The following ADGRB3 variants were observed in gnomAD, a reference collection of about 807,000 sequenced individuals.
The protein encoded by ADGRB3 is adhesion G protein-coupled receptor B3.
ADGRB3 carries 37 observed loss-of-function variants against 193.4 expected under a neutral mutation model. The ratio of observed to expected loss-of-function variants is 0.19; its 90% CI spans 0.15 to 0.25. The LOEUF (loss-of-function observed/expected upper bound fraction) is 0.25, where lower values mean the gene tolerates loss of function less well. Ranked by LOEUF, ADGRB3 falls within the 10% of genes least tolerant of loss-of-function variation. The probability of loss-of-function intolerance (pLI) is 1.00; values close to 1 mark genes in which losing one functional copy is unlikely to be tolerated. For missense variants in ADGRB3, 1,637 were observed against 1,852.9 expected (o/e 0.88, Z 2.14); for synonymous variants, 690 against 644.2 (o/e 1.07, Z -1.08).
chr6:69,086,062 TA>T, intron 17 of ADGRB3, among the ~76,000 whole-genome samples: 1 of 152,116 alleles, frequency 6.6e-6, no homozygotes, highest in African/African-American at 2.4e-5. Flanking sequence ...TTGAGGGTTG[TA>T]AATCAAGCAA....
intron 29 of ADGRB3, among the ~76,000 whole-genome samples, chr6:69,367,046 G>A (rs1191365989): frequency 2.0e-5 from 3 of 152,130 alleles, no homozygotes; most frequent in African/African-American, 7.2e-5. Flanking sequence ...CTCTAGATAA[G>A]GTGGTCTGGG....
At chr6:68,912,866 C>T (rs986459869) in intron 3 of ADGRB3, among the ~76,000 whole-genome samples, 27 of 152,134 alleles carry the variant, frequency 1.8e-4, no homozygotes, top group Admixed American at 7.2e-4. Flanking sequence ...CCTAATACTG[C>T]GCTTTTCCGA....
At chr6:69,247,941 G>A (rs1175549479) in intron 20 of ADGRB3, among the ~76,000 whole-genome samples, 1 of 152,202 alleles carries the variant, frequency 6.6e-6, no homozygotes, top group East Asian at 1.9e-4. Context: ...ATATAAGGGA[G>A]TTGAAGAAAA....
chr6:69,184,943 C>G (rs1017633192), intron 17 of ADGRB3, among the ~76,000 whole-genome samples: 1 of 152,086 alleles, frequency 6.6e-6, no homozygotes, highest in African/African-American at 2.4e-5. Flanking sequence ...GGGAAATTCT[C>G]TCTATGACAG....
At chr6:68,662,748 T>C (rs1256397831) in intron 3 of ADGRB3, among the ~76,000 whole-genome samples, 1 of 151,388 alleles carries the variant, frequency 6.6e-6, no homozygotes, top group Admixed American at 6.6e-5. Flanking sequence ...AAATCAGTTA[T>C]GCATATATGT....
chr6:69,291,432 C>A (rs537707325), intron 20 of ADGRB3, among the ~76,000 whole-genome samples: 3 of 152,134 alleles, frequency 2.0e-5, no homozygotes, highest in South Asian at 2.1e-4. Flanking sequence ...GTATAACAAC[C>A]ATTAATAAGC....
chr6:69,323,909 G>A (rs1003458415), intron 20 of ADGRB3, among the ~76,000 whole-genome samples: 7 of 151,840 alleles, frequency 4.6e-5, no homozygotes, highest in Non-Finnish European at 1.0e-4. Flanking sequence ...TCTTTGTATT[G>A]GTTTTTTTTA....
At chr6:68,948,691 C>A (rs1445591467) in intron 6 of ADGRB3, among the ~76,000 whole-genome samples, 1 of 151,920 alleles carries the variant, frequency 6.6e-6, no homozygotes, top group Non-Finnish European at 1.5e-5. Flanking sequence ...CTGTTTTCAG[C>A]GTGGACACTT....
Position 69,361,332 on chromosome 6 carries a change from C to T in ADGRB3, c.4059C>T (p.Pro1353=). The T allele has an allele frequency of 1.9e-6, 3 of 1,612,928 alleles. No individual in the cohort carries two copies. The highest frequency in any genetic ancestry group is 2.5e-6 in the Non-Finnish European group (3 of 1,179,238). Residue 1353 remains proline, a synonymous_variant, in exon 29 of 32, where the codon CCC becomes CCT. Coordinates refer to ENST00000370598, the MANE Select transcript of ADGRB3 (RefSeq NM_001704.3). ...YKVNPEFNMN[P]PVMDQFNMNL... ...TAAACCCTGAATTCAATATGAATCC[C>T]CCTGTAATGGACCAGTTCAATATGA...
At chr6:68,889,468 A>G (rs1284480735) in intron 3 of ADGRB3, among the ~76,000 whole-genome samples, 1 of 151,668 alleles carries the variant, frequency 6.6e-6, no homozygotes, top group South Asian at 2.1e-4. Flanking sequence ...CTCCAGTCTG[A>G]CATTAAAATA....
intron 17 of ADGRB3, among the ~76,000 whole-genome samples, chr6:69,167,459 GC>G (rs1387701022): frequency 6.6e-6 from 1 of 152,054 alleles, no homozygotes; most frequent in Non-Finnish European, 1.5e-5. Flanking sequence ...TCTATTCCAT[GC>G]CTCCGTTCCT....
rs1769250523 is a variant in ADGRB3 at position 69,352,622 on chromosome 6, T to G, written c.3460-1611T>G. On this transcript the variant is annotated intron_variant, in intron 26 of 31. Transcript: ENST00000370598. ...TAGAAGTGGACAGAGGTCTCATTATTGGGCCAGTTGGCCAGTCTTTGGTTG... is the reference window on the plus strand; with the variant it reads ...TAGAAGTGGACAGAGGTCTCATTATGGGGCCAGTTGGCCAGTCTTTGGTTG... Among the ~76,000 whole-genome samples the G allele has an allele frequency of 2.0e-5, 3 of 152,226 alleles. No individual in the cohort carries two copies. The South Asian group carries it at 6.2e-4, about 31-fold the overall frequency.
intron 3 of ADGRB3, among the ~76,000 whole-genome samples, chr6:68,708,388 C>A (rs1765359431): frequency 6.6e-6 from 1 of 152,128 alleles, no homozygotes; most frequent in African/African-American, 2.4e-5. Context: ...GGGTCCTGGA[C>A]CCTGTGCCTC....
At chr6:69,269,855 C>T (rs1767134784) in intron 20 of ADGRB3, among the ~76,000 whole-genome samples, 1 of 152,082 alleles carries the variant, frequency 6.6e-6, no homozygotes, top group Non-Finnish European at 1.5e-5. Context: ...ATTGTAAAAG[C>T]TACCTTATAC....
intron 3 of ADGRB3, among the ~76,000 whole-genome samples, chr6:68,920,290 G>A (rs1289404668): frequency 6.6e-6 from 1 of 152,002 alleles, no homozygotes; most frequent in African/African-American, 2.4e-5. Flanking sequence ...GGCCGAGGCA[G>A]GTGGATCACC....
At chr6:68,983,240 A>G (rs1359996991) in intron 10 of ADGRB3, among the ~76,000 whole-genome samples, 1 of 151,836 alleles carries the variant, frequency 6.6e-6, no homozygotes, top group Non-Finnish European at 1.5e-5. Flanking sequence ...TAACCTTATA[A>G]CTTACTACTG....
chr6:69,195,522 CAAAAAAAAAAA>C (rs542731165), intron 17 of ADGRB3, among the ~76,000 whole-genome samples: 2 of 65,124 alleles, frequency 3.1e-5, no homozygotes, highest in African/African-American at 1.0e-4. Flanking sequence ...TATCCTGTCT[CAAAAAAAAAAA>C]AAAAAAAAAA....
intron 3 of ADGRB3, among the ~76,000 whole-genome samples, chr6:68,832,749 T>A (rs181741754): frequency 5.1e-4 from 77 of 152,248 alleles, no homozygotes; most frequent in Middle Eastern, 3.4e-3. Flanking sequence ...TTTGCAGCTG[T>A]GCAATATTGG....
chr6:69,032,115 CTG>C (rs1770729834), intron 13 of ADGRB3, among the ~76,000 whole-genome samples: 1 of 152,108 alleles, frequency 6.6e-6, no homozygotes, highest in Non-Finnish European at 1.5e-5. Context: ...AGCAAAAAGA[CTG>C]TTTGGGAAAC....
Sources: allele counts gnomAD v4.1 joint callset (sites outside exome capture counted in the v4.1 genomes callset), GRCh38; gene constraint gnomAD v4.1.1; transcripts MANE v1.5; gene names NCBI Gene and HGNC (gene_info 2026-07-23, HGNC 2026-07-21).